The following NIPSNAP3A variants were observed in gnomAD, a reference collection of about 807,000 sequenced individuals.
NIPSNAP3A encodes the protein protein NipSnap homolog 3A.
A neutral mutation model predicts 32.3 loss-of-function variants in NIPSNAP3A; 27 were observed. The ratio of observed to expected loss-of-function variants is 0.84; its 90% CI spans 0.62 to 1.15. NIPSNAP3A has a LOEUF of 1.15. Ranked by LOEUF, NIPSNAP3A falls within the 50% of genes most tolerant of loss-of-function variation. The pLI, the probability that NIPSNAP3A is intolerant of heterozygous loss-of-function variation, is 0.00. For synonymous variants in NIPSNAP3A, 108 were observed against 107.3 expected, an observed-to-expected ratio of 1.01 and a Z score of -0.04; for missense variants, 278 against 297.2, an observed-to-expected ratio of 0.94 and a Z score of 0.48.
At chr9:104,749,670 CGTATGTGTGTGTGT>C (rs959027983) in intron 1 of NIPSNAP3A, among the ~76,000 whole-genome samples, 1 of 151,800 alleles carries the variant, frequency 6.6e-6, no homozygotes, top group African/African-American at 2.4e-5. Flanking sequence ...TGTGTGTGTG[CGTATGTGTGTGTGT>C]ATGTGTATAC....
At chr9:104,757,704 T>C (rs1373198345) in intron 4 of NIPSNAP3A, among the ~76,000 whole-genome samples, 2 of 152,190 alleles carry the variant, frequency 1.3e-5, no homozygotes, top group African/African-American at 4.8e-5. Context: ...TGTATTTACA[T>C]AAGCATAAGC....
At chr9:104,747,897 AGGGGC>A (rs3835288) in intron 1 of NIPSNAP3A, 45 bp downstream of exon 1, 1,179,545 of 1,409,912 alleles carry the variant, frequency 0.84, 491,630 homozygotes, top group Middle Eastern at 0.87. Context: ...ACGGGAGGGG[AGGGGC>A]GGGGCGGGGA....
intron 4 of NIPSNAP3A, among the ~76,000 whole-genome samples, chr9:104,758,251 T>C (rs1225737787): frequency 6.6e-6 from 1 of 152,206 alleles, no homozygotes; most frequent in Non-Finnish European, 1.5e-5. Flanking sequence ...GTTACTAAGC[T>C]AAATCTGTTA....
At chr9:104,752,673 G>A (rs1195544277) in intron 2 of NIPSNAP3A, among the ~76,000 whole-genome samples, 2 of 152,148 alleles carry the variant, frequency 1.3e-5, no homozygotes, top group African/African-American at 4.8e-5. Flanking sequence ...ATATGGTTGA[G>A]CCTATAAAGC....
In NIPSNAP3A at chr9:104,754,300, T is replaced by C. The variant is rs374611754; in HGVS notation, c.431-251T>C. On this transcript the variant is annotated intron_variant, in intron 3 of 5. Coordinates refer to ENST00000374767, the MANE Select transcript of NIPSNAP3A (RefSeq NM_015469.3). Reference sequence around the variant, plus strand: ...AGATTAAAAATATTTCAGATAATAGTTATAATAGCTTCCAGTTCTTTTTCT... The same window carrying C: ...AGATTAAAAATATTTCAGATAATAGCTATAATAGCTTCCAGTTCTTTTTCT... The C allele has an allele frequency of 1.1e-5, 4 of 358,746 alleles. No individual in the cohort carries two copies. In the East Asian group the frequency reaches 1.9e-4, roughly 17 times the overall value. The allele number at this position is 358,746 out of a possible 1,614,324, so 22.2% of individuals were successfully genotyped here.
At chr9:104,754,794 TATTA>T in intron 4 of NIPSNAP3A, 94 bp downstream of exon 4, 1 of 917,152 alleles carries the variant, frequency 1.1e-6, no homozygotes, top group Non-Finnish European at 1.7e-6. Flanking sequence ...GAGTATGTTT[TATTA>T]TTTATTGCCA....
chr9:104,748,330 C>G (rs191524286), intron 1 of NIPSNAP3A, among the ~76,000 whole-genome samples: 37 of 152,240 alleles, frequency 2.4e-4, no homozygotes, highest in Middle Eastern at 3.4e-3. Context: ...GAACCGGCCT[C>G]CCCCTTTTAA....
intron 2 of NIPSNAP3A, 145 bp from the exon 3 acceptor site, chr9:104,752,756 GTCACA>G: frequency 1.5e-6 from 1 of 666,202 alleles, no homozygotes; most frequent in Non-Finnish European, 2.6e-6. Context: ...AGGGCAGATG[GTCACA>G]TCTGTTTACG....
intron 1 of NIPSNAP3A, 45 bp downstream of exon 1, chr9:104,747,897 A>C: frequency 4.3e-6 from 6 of 1,410,726 alleles, no homozygotes; most frequent in Non-Finnish European, 5.9e-6. Context: ...ACGGGAGGGG[A>C]GGGGCGGGGC....
chr9:104,755,132 T>A (rs1177054181), intron 4 of NIPSNAP3A, among the ~76,000 whole-genome samples: 1 of 151,958 alleles, frequency 6.6e-6, no homozygotes, highest in Non-Finnish European at 1.5e-5. Context: ...TCCCAGCTAT[T>A]CTGGAGGCTG....
rs896156826 is a variant in NIPSNAP3A, at chr9:104,754,572, T to C, written c.452T>C (p.Phe151Ser). ...PKEGVYELAT[F>S]QMKPGGPALW... Reference sequence around the variant, plus strand: ...CCAGGAGTCTATGAACTGGCCACTTTTCAGATGAAACCTGGTGGGCCAGCT... The same window carrying C: ...CCAGGAGTCTATGAACTGGCCACTTCTCAGATGAAACCTGGTGGGCCAGCT... Residue 151 changes from phenylalanine to serine, a missense_variant, in exon 4 of 6, where the codon TTT (phenylalanine) becomes TCT (serine). Coordinates refer to ENST00000374767, the MANE Select transcript of NIPSNAP3A (RefSeq NM_015469.3). The C allele has an allele frequency of 6.2e-7, 1 of 1,614,108 alleles. No individual in the cohort carries two copies. Among genetic ancestry groups the C allele is most frequent in the African/African-American group, 1.3e-5 (1 of 75,044 alleles).
In NIPSNAP3A at chr9:104,760,093, G is replaced by A. The variant is rs1350430742; in HGVS notation, c.*755G>A. On this transcript the variant is annotated 3_prime_UTR_variant, in exon 6 of 6. Transcript: ENST00000374767. Reference sequence around the variant, plus strand: ...ATGAAATCTGTATGGATATGGAAATGCTTGCCCTAATAAAAGCCTACATAT... The same window carrying A: ...ATGAAATCTGTATGGATATGGAAATACTTGCCCTAATAAAAGCCTACATAT... 6.6e-6 allele frequency: 1 copy of A among 152,166 alleles called. No individual in the cohort carries two copies. The highest frequency in any genetic ancestry group is 2.4e-5 in the African/African-American group (1 of 41,446). The allele number at this position is 152,166 out of a possible 1,614,324, so 9.4% of individuals were successfully genotyped here.
intron 4 of NIPSNAP3A, 102 bp downstream of exon 4, chr9:104,754,802 A>T: frequency 1.2e-6 from 1 of 865,656 alleles, no homozygotes; most frequent in South Asian, 1.6e-5. Context: ...TTTATTATTT[A>T]TTGCCAAATG....
Position 104,759,851 on chromosome 9 carries a change from T to C in NIPSNAP3A, c.*513T>C, listed in dbSNP as rs1374654605. The C allele has an allele frequency of 1.3e-5, 2 of 154,880 alleles. No homozygotes were observed. Among genetic ancestry groups the C allele is most frequent in the Non-Finnish European group, 2.9e-5 (2 of 69,766 alleles). The allele number at this position is 154,880 out of a possible 1,614,324, so 9.6% of individuals were successfully genotyped here. Reference sequence around the variant, plus strand: ...TATTTCTTTACTATGGAAAACCACATTGTCATTTGTGACATCATCTATATT... The same window carrying C: ...TATTTCTTTACTATGGAAAACCACACTGTCATTTGTGACATCATCTATATT... On this transcript the variant is annotated 3_prime_UTR_variant, in exon 6 of 6. Coordinates refer to ENST00000374767, the MANE Select transcript of NIPSNAP3A (RefSeq NM_015469.3).
At chr9:104,756,464 C>T (rs1225316632) in intron 4 of NIPSNAP3A, among the ~76,000 whole-genome samples, 2 of 151,878 alleles carry the variant, frequency 1.3e-5, no homozygotes, top group Non-Finnish European at 2.9e-5. Context: ...AGTAGACATG[C>T]ACATGGCTAC....
At chr9:104,758,998 A>T in intron 4 of NIPSNAP3A, 87 bp from the exon 5 acceptor site, 14 of 943,490 alleles carry the variant, frequency 1.5e-5, no homozygotes, top group Non-Finnish European at 1.9e-5. Context: ...AAAAAAAAAG[A>T]ATAGGATGGG....
intron 4 of NIPSNAP3A, among the ~76,000 whole-genome samples, chr9:104,756,976 G>T (rs1428118770): frequency 6.6e-6 from 1 of 151,790 alleles, no homozygotes; most frequent in African/African-American, 2.4e-5. Flanking sequence ...GCTAATTTTT[G>T]TATTTTTAGT....
chr9:104,755,679 T>G (rs749870592), intron 4 of NIPSNAP3A, among the ~76,000 whole-genome samples: 2 of 152,094 alleles, frequency 1.3e-5, no homozygotes, highest in East Asian at 1.9e-4. Context: ...CCAGCGCTTT[T>G]GGGAGGCTGA....
chr9:104,754,727 G>T lies in NIPSNAP3A; in HGVS notation c.580+27G>T, dbSNP rs139372970. 1.1e-3 allele frequency: 1,686 copies of T among 1,591,522 alleles called. 17 individuals carry two copies. In the African/African-American group the frequency reaches 0.02, roughly 19 times the overall value. Reference sequence around the variant, plus strand: ...TACAATTGTCCATTTCTTCTTATATGAAATTGTAATATATATTGTGACCTA... The same window carrying T: ...TACAATTGTCCATTTCTTCTTATATTAAATTGTAATATATATTGTGACCTA... On this transcript the variant is annotated intron_variant, in intron 4 of 5. Coordinates refer to ENST00000374767, the MANE Select transcript of NIPSNAP3A (RefSeq NM_015469.3).
Sources: gnomAD v4.1 joint callset for allele counts (sites outside exome capture counted in the v4.1 genomes callset) on GRCh38, gnomAD v4.1.1 for gene constraint, MANE v1.5 for transcripts, NCBI Gene and HGNC (gene_info 2026-07-23, HGNC 2026-07-21) for gene names.